Variants in ZNF33A observed in about 807,000 individuals in gnomAD.
The protein encoded by ZNF33A is brain my041 protein.
A neutral mutation model predicts 15.9 loss-of-function variants in ZNF33A; 9 were observed. That is an observed-to-expected ratio of 0.57 (90% CI 0.34 to 0.99). The LOEUF is 0.99. Among genes scored for constraint, ZNF33A ranks in the 50% least tolerant of loss-of-function variants. ZNF33A has a pLI of 0.02. For synonymous variants in ZNF33A, 294 were observed against 324.2 expected (o/e 0.91, Z 1.00); for missense variants, 843 against 941.6 (o/e 0.90, Z 1.37).
chr10:38,042,718 T>C (rs570089127), intron 4 of ZNF33A, among the ~76,000 whole-genome samples: 1 of 152,198 alleles, frequency 6.6e-6, no homozygotes, highest in Admixed American at 6.5e-5. Flanking sequence ...GCCCAGCTTA[T>C]TAAACAAATT....
intron 4 of ZNF33A, among the ~76,000 whole-genome samples, chr10:38,037,712 T>TC (rs2065514984): frequency 6.6e-6 from 1 of 152,216 alleles, no homozygotes; most frequent in Non-Finnish European, 1.5e-5. Flanking sequence ...ATTTGTGAAC[T>TC]CTCAATTTTA....
intron 4 of ZNF33A, among the ~76,000 whole-genome samples, chr10:38,024,938 A>G (rs115956584): frequency 0.011 from 1,713 of 152,326 alleles, 37 homozygotes; most frequent in African/African-American, 0.038. Flanking sequence ...TATTGTCACA[A>G]TATGTGTTCA....
At chr10:38,053,630 A>C (rs529472649) in intron 4 of ZNF33A, among the ~76,000 whole-genome samples, 6 of 152,296 alleles carry the variant, frequency 3.9e-5, no homozygotes, top group African/African-American at 1.4e-4. Context: ...GACTTGAATT[A>C]CAAGTCTTAT....
downstream of ZNF33A, among the ~76,000 whole-genome samples, chr10:38,066,597 A>G (rs1253381072): frequency 6.6e-6 from 1 of 152,004 alleles, no homozygotes; most frequent in African/African-American, 2.4e-5. Context: ...ATTCCAAAAC[A>G]GGATCAGGCA....
At chr10:38,020,393 A>G (rs554185881) in intron 4 of ZNF33A, among the ~76,000 whole-genome samples, 31 of 152,274 alleles carry the variant, frequency 2.0e-4, no homozygotes, top group African/African-American at 7.2e-4. Context: ...AAAATGTACA[A>G]TTAAATTTGA....
At chr10:38,012,456 G>T in intron 2 of ZNF33A, 106 bp downstream of exon 2, 3 of 1,265,234 alleles carry the variant, frequency 2.4e-6, no homozygotes, top group Non-Finnish European at 2.2e-6. Flanking sequence ...TTGTGAGACG[G>T]AGTCTCACTC....
intron 4 of ZNF33A, among the ~76,000 whole-genome samples, chr10:38,031,320 A>G (rs1039858200): frequency 1.3e-5 from 2 of 152,178 alleles, no homozygotes; most frequent in African/African-American, 4.8e-5. Context: ...CTGTAATCTC[A>G]GCATTTTGGG....
intron 4 of ZNF33A, among the ~76,000 whole-genome samples, chr10:38,050,923 C>T (rs1169376501): frequency 6.6e-6 from 1 of 150,514 alleles, no homozygotes; most frequent in Admixed American, 6.6e-5. Flanking sequence ...AGTGTAGATT[C>T]TCTGGTCTTA....
chr10:38,013,010 A>G (rs1460980664), intron 2 of ZNF33A, among the ~76,000 whole-genome samples: 1 of 152,224 alleles, frequency 6.6e-6, no homozygotes, highest in Non-Finnish European at 1.5e-5. Flanking sequence ...AAATGAGTGC[A>G]GCCTATTGAG....
intron 4 of ZNF33A, among the ~76,000 whole-genome samples, chr10:38,023,081 G>T (rs1564840235): frequency 6.6e-6 from 1 of 152,132 alleles, no homozygotes; most frequent in Non-Finnish European, 1.5e-5. Context: ...AAGTAGCTGG[G>T]ACTGCAGGCA....
At chr10:38,038,212 G>A (rs746643012) in intron 4 of ZNF33A, among the ~76,000 whole-genome samples, 18 of 152,030 alleles carry the variant, frequency 1.2e-4, no homozygotes, top group Non-Finnish European at 8.8e-5. Context: ...GGCTCACTGC[G>A]TCTCAGCCTC....
chr10:38,048,402 G>C (rs552122167), intron 4 of ZNF33A, among the ~76,000 whole-genome samples: 3 of 152,270 alleles, frequency 2.0e-5, no homozygotes, highest in Admixed American at 1.3e-4. Flanking sequence ...ATCCATATAT[G>C]TACTATTTCT....
chr10:38,024,505 G>A (rs1020637538), intron 4 of ZNF33A, among the ~76,000 whole-genome samples: 1 of 152,170 alleles, frequency 6.6e-6, no homozygotes, highest in Non-Finnish European at 1.5e-5. Context: ...AGGTTTAATG[G>A]CATTCCTGTC....
In ZNF33A at chr10:38,055,492, T is replaced by G; in HGVS notation, c.1368T>G (p.Leu456=). 1 of 1,613,070 alleles carries G rather than the reference T, an allele frequency of 6.2e-7. No individual in the cohort carries two copies. Among genetic ancestry groups the G allele is most frequent in the Non-Finnish European group, 8.5e-7 (1 of 1,179,772 alleles). The change falls in exon 5 of 5, where the codon CTT becomes CTG. Residue 456 remains leucine, a synonymous_variant. Coordinates refer to ENST00000432900, the MANE Select transcript of ZNF33A (RefSeq NM_006954.2). ...CGKSFRVTSH[L]KVHQRTHTGE... is the part of the protein sequence containing the mutation. Reference sequence around the variant, plus strand: ...AATCCTTCCGTGTGACTTCGCACCTTAAAGTACACCAGAGAACTCACACAG... The same window carrying G: ...AATCCTTCCGTGTGACTTCGCACCTGAAAGTACACCAGAGAACTCACACAG...
intron 4 of ZNF33A, among the ~76,000 whole-genome samples, chr10:38,019,643 C>A (rs1003879173): frequency 6.6e-6 from 1 of 152,118 alleles, no homozygotes; most frequent in African/African-American, 2.4e-5. Flanking sequence ...TTGAAACTAT[C>A]TTCATGAATA....
intron 4 of ZNF33A, among the ~76,000 whole-genome samples, chr10:38,025,933 T>G (rs1212893857): frequency 6.6e-6 from 1 of 151,994 alleles, no homozygotes; most frequent in Non-Finnish European, 1.5e-5. Context: ...AACTACTCAT[T>G]CCCCCCTCCT....
At chr10:38,060,414 C>T (rs562102644), downstream of ZNF33A, among the ~76,000 whole-genome samples, 1 of 152,294 alleles carries the variant, frequency 6.6e-6, no homozygotes, top group Admixed American at 6.5e-5. Flanking sequence ...AAACCCCTCA[C>T]ATCCTCCCAC....
chr10:38,027,239 T>TA (rs2065024551), intron 4 of ZNF33A, among the ~76,000 whole-genome samples: 1 of 152,118 alleles, frequency 6.6e-6, no homozygotes, highest in African/African-American at 2.4e-5. Flanking sequence ...ATTTCCAGGA[T>TA]AAATTAGTCC....
At chr10:38,012,750 A>T (rs2064253033) in intron 2 of ZNF33A, among the ~76,000 whole-genome samples, 1 of 152,100 alleles carries the variant, frequency 6.6e-6, no homozygotes, top group South Asian at 2.1e-4. Flanking sequence ...ATATGTTAAG[A>T]TGAGAAGTTA....
Sources: gnomAD v4.1 joint callset for allele counts (sites outside exome capture counted in the v4.1 genomes callset) on GRCh38, gnomAD v4.1.1 for gene constraint, MANE v1.5 for transcripts, NCBI Gene and HGNC (gene_info 2026-07-23, HGNC 2026-07-21) for gene names.